Variants in PHLPP2 observed in about 807,000 individuals in gnomAD.
PHLPP2 encodes PH domain leucine-rich repeat-containing protein phosphatase 2.
A neutral mutation model predicts 124.9 loss-of-function variants in PHLPP2; 66 were observed. The observed-to-expected ratio is 0.53, with a 90% CI of 0.43 to 0.65. The LOEUF (loss-of-function observed/expected upper bound fraction) is 0.65. PHLPP2 is among the 30% of genes least tolerant of loss of function. The pLI, the probability that PHLPP2 is intolerant of heterozygous loss-of-function variation, is 0.00. For missense variants in PHLPP2, 1,685 were observed against 1,600.4 expected, an observed-to-expected ratio of 1.05 and a Z score of -0.90; for synonymous variants, 681 against 624.7, an observed-to-expected ratio of 1.09 and a Z score of -1.34.
At chr16:71,680,121 C>T (rs893359079) in intron 6 of PHLPP2, among the ~76,000 whole-genome samples, 5 of 151,876 alleles carry the variant, frequency 3.3e-5, no homozygotes, top group Non-Finnish European at 7.4e-5. Context: ...TCTTGAAGAA[C>T]AGCTCTTGCT....
At chr16:71,652,510 G>T (rs189250220) in intron 18 of PHLPP2, among the ~76,000 whole-genome samples, 89 of 152,318 alleles carry the variant, frequency 5.8e-4, no homozygotes, top group Non-Finnish European at 9.8e-4. Flanking sequence ...ATTAGCTAAG[G>T]CAGATATTTA....
Position 71,678,811 on chromosome 16 carries a change from T to G in PHLPP2, c.1212A>C (p.Glu404Asp). ...TATTCAGCACCCCTAAGTTCAGGAC[T>G]TCCAGGCAATTTCCTGCCATAACCA... ...DRVVMAGNCL[E>D]VLNLGVLNRM... The change falls in exon 8 of 19, where the codon GAA becomes GAC. Residue 404 changes from glutamate (E) to aspartate (D), a missense_variant. Glu to Asp is a conservative substitution (Grantham distance 45, BLOSUM62 2). Coordinates refer to ENST00000568954, the MANE Select transcript of PHLPP2 (RefSeq NM_015020.3). 1 of 1,612,792 alleles carries G rather than the reference T, an allele frequency of 6.2e-7. No individual in the cohort carries two copies. The highest frequency in any genetic ancestry group is 8.5e-7 in the Non-Finnish European group (1 of 1,178,794).
chr16:71,721,778 C>T (rs1230079733), intron 1 of PHLPP2, among the ~76,000 whole-genome samples: 1 of 151,974 alleles, frequency 6.6e-6, no homozygotes, highest in Non-Finnish European at 1.5e-5. Flanking sequence ...AACCATAAAC[C>T]CCAAATTGTA....
intron 4 of PHLPP2, among the ~76,000 whole-genome samples, chr16:71,687,309 A>C (rs2045063436): frequency 6.6e-6 from 1 of 152,188 alleles, no homozygotes; most frequent in South Asian, 2.1e-4. Context: ...TCTGAATACA[A>C]GTCCTTTGTT....
At chr16:71,687,527 GATTT>G (rs2045065568) in intron 4 of PHLPP2, among the ~76,000 whole-genome samples, 1 of 151,910 alleles carries the variant, frequency 6.6e-6, no homozygotes, top group African/African-American at 2.4e-5. Flanking sequence ...GATATATTCG[GATTT>G]ATTACTATCA....
At chr16:71,681,702 T>C (rs1482496356) in intron 6 of PHLPP2, 49 bp downstream of exon 6, 3 of 1,465,074 alleles carry the variant, frequency 2.0e-6, no homozygotes, top group African/African-American at 1.4e-5. Flanking sequence ...AAGATACTGA[T>C]TATGAGTTGG....
intron 2 of PHLPP2, among the ~76,000 whole-genome samples, chr16:71,709,666 A>C (rs182760807): frequency 1.3e-5 from 2 of 152,316 alleles, no homozygotes; most frequent in South Asian, 2.1e-4. Flanking sequence ...CAGCAGATTG[A>C]GAGACAAGAC....
intron 8 of PHLPP2, chr16:71,677,983 A>C (rs1258121695): frequency 6.6e-6 from 1 of 152,224 alleles, no homozygotes; most frequent in African/African-American, 2.4e-5. Context: ...AAATAAAAAG[A>C]AATGCTAAAA....
At position 71,675,787 on chromosome 16, in the gene PHLPP2, G is replaced by A. The variant is rs138150989; in HGVS notation, c.1471+660C>T. Among the ~76,000 whole-genome samples the A allele has an allele frequency of 3.4e-3, 524 of 152,158 alleles. 8 individuals are homozygous for A. Among genetic ancestry groups the A allele is most frequent in the African/African-American group, 0.012 (495 of 41,504 alleles). On this transcript the variant is annotated intron_variant, in intron 9 of 18. Transcript: ENST00000568954. ...CTCTCATGAGAACATGCAATGGCAC[G>A]GTCTCAGCTCACTGTAACCTCTGCC...
intron 5 of PHLPP2, 74 bp from the exon 6 acceptor site, chr16:71,681,979 A>G (rs1185270065): frequency 1.9e-6 from 2 of 1,075,564 alleles, no homozygotes; most frequent in African/African-American, 1.7e-5. Flanking sequence ...ATGGAATGGC[A>G]TTTACACAAA....
intron 4 of PHLPP2, among the ~76,000 whole-genome samples, chr16:71,687,252 A>C (rs2145349129): frequency 6.6e-6 from 1 of 152,226 alleles, no homozygotes; most frequent in Admixed American, 6.5e-5. Context: ...CCAGTTTTTT[A>C]ATGGGTTTGT....
intron 5 of PHLPP2, among the ~76,000 whole-genome samples, chr16:71,683,365 TAATG>T (rs1316890431): frequency 3.9e-5 from 6 of 152,228 alleles, no homozygotes; most frequent in Non-Finnish European, 7.3e-5. Context: ...CATATAGGAA[TAATG>T]GTTTGTGGCA....
At chr16:71,706,774 T>C (rs1417570098) in intron 2 of PHLPP2, among the ~76,000 whole-genome samples, 4 of 152,068 alleles carry the variant, frequency 2.6e-5, no homozygotes, top group Admixed American at 6.6e-5. Context: ...AAAACCTAGG[T>C]TCTTTTCAGG....
rs146404115 is a variant in PHLPP2, at chr16:71,673,385, C to A, written c.1472-1063G>T. ...TTCTGGTAGGTGTATAGTGGTGCCA[C>A]GCAGGAGTTTCAATTTGCATATCCC... On this transcript the variant is annotated intron_variant, in intron 9 of 18. Coordinates refer to ENST00000568954, the MANE Select transcript of PHLPP2 (RefSeq NM_015020.3). 2.9e-3 allele frequency among the ~76,000 whole-genome samples: 443 copies of A among 152,246 alleles called. 2 individuals carry two copies. The highest frequency in any genetic ancestry group is 3.0e-3 in the Non-Finnish European group (206 of 68,012).
In PHLPP2 at chr16:71,655,335, C is replaced by G. The variant is rs894213881; in HGVS notation, c.2490G>C (p.Leu830=). 1 of 1,613,918 alleles carries G rather than the reference C, an allele frequency of 6.2e-7. No homozygotes were observed. Among genetic ancestry groups the G allele is most frequent in the Non-Finnish European group, 8.5e-7 (1 of 1,179,790 alleles). ...DGDRNEELPR[L]LQCTMADVLL... ...GCACATCTGCCATCGTACACTGCAG[C>G]AGGCGCGGGAGCTCCTCATTTCGGT... The change falls in exon 17 of 19, where the codon CTG becomes CTC. Residue 830 remains leucine, a synonymous_variant. Coordinates refer to ENST00000568954, the MANE Select transcript of PHLPP2 (RefSeq NM_015020.3).
At position 71,678,907 on chromosome 16, in the gene PHLPP2, G is replaced by A. The variant is rs1390254886; in HGVS notation, c.1116C>T (p.Ser372=). The A allele has an allele frequency of 1.9e-6, 3 of 1,612,822 alleles. No individual in the cohort carries two copies. Among genetic ancestry groups the A allele is most frequent in the South Asian group, 2.2e-5 (2 of 91,060 alleles). ...TAAAGTTGTTGAAGGAAATTCCCAA[G>A]GAGGAAAGCTGTTGTAGATTTCCCA... ...EELGNLQQLS[S]LGISFNNFSQ... is the part of the protein sequence containing the mutation. The change falls in exon 8 of 19, where the codon TCC becomes TCT. Residue 372 remains serine (S), a synonymous_variant. Transcript: ENST00000568954.
At chr16:71,653,058 T>G (rs202143640) in intron 17 of PHLPP2, 37 bp from the exon 18 acceptor site, 1 of 1,404,256 alleles carries the variant, frequency 7.1e-7, no homozygotes, top group Admixed American at 1.7e-5. Flanking sequence ...ACGTGGTGGC[T>G]AGTTTTAGAA....
At chr16:71,687,159 C>T (rs2145349002) in intron 4 of PHLPP2, among the ~76,000 whole-genome samples, 1 of 152,212 alleles carries the variant, frequency 6.6e-6, no homozygotes, top group East Asian at 1.9e-4. Context: ...TTTGCATTTC[C>T]CTAATGACTG....
chr16:71,703,396 A>C (rs2045249548), intron 2 of PHLPP2, among the ~76,000 whole-genome samples: 1 of 152,146 alleles, frequency 6.6e-6, no homozygotes, highest in South Asian at 2.1e-4. Context: ...ATTCTACTAC[A>C]TGGTCCTAAT....
Sources: allele counts gnomAD v4.1 joint callset (sites outside exome capture counted in the v4.1 genomes callset), GRCh38; gene constraint gnomAD v4.1.1; transcripts MANE v1.5; gene names NCBI Gene and HGNC (gene_info 2026-07-23, HGNC 2026-07-21).